IBTK: variants seen among roughly 807,000 people sequenced by gnomAD.
The protein encoded by IBTK is BTK-binding protein.
In IBTK, 83 loss-of-function variants were observed where a neutral mutation model predicts 154.9. That is an observed-to-expected ratio of 0.54 (90% confidence interval 0.45 to 0.64). IBTK has a LOEUF of 0.64. Among genes scored for constraint, IBTK ranks in the 30% least tolerant of loss-of-function variants. The pLI is 0.00. For synonymous variants in IBTK, 515 were observed against 536.1 expected, an observed-to-expected ratio of 0.96 and a Z score of 0.54; for missense variants, 1,332 against 1,584.6, an observed-to-expected ratio of 0.84 and a Z score of 2.71.
At chr6:82,200,545 A>T in intron 20 of IBTK, 42 bp downstream of exon 20, 1 of 1,446,752 alleles carries the variant, frequency 6.9e-7, no homozygotes. Flanking sequence ...GAAAAGAAGG[A>T]AGAAAAGGAG....
At chr6:82,207,916 C>CA (rs1458451695) in intron 16 of IBTK, among the ~76,000 whole-genome samples, 1 of 151,856 alleles carries the variant, frequency 6.6e-6, no homozygotes, top group Non-Finnish European at 1.5e-5. Flanking sequence ...ACAACAAATA[C>CA]AAAAAATAAC....
Position 82,242,284 on chromosome 6 carries a change from G to T in IBTK, c.-357-1441C>A, listed in dbSNP as rs572937645. Reference sequence around the variant, plus strand: ...CTCGAGAGGCTGAGGCAGGAGAATCGCTTGAACCCAGGAGGCAGAGTTTGT... The same window carrying T: ...CTCGAGAGGCTGAGGCAGGAGAATCTCTTGAACCCAGGAGGCAGAGTTTGT... On this transcript the variant is annotated intron_variant, in intron 1 of 28. Transcript: ENST00000306270. Among the ~76,000 whole-genome samples, 43 of 151,848 alleles carry T rather than the reference G, an allele frequency of 2.8e-4. 1 individual carries two copies. The highest frequency in any genetic ancestry group is 6.8e-3 in the Middle Eastern group (2 of 294).
chr6:82,223,057 T>C (rs1770157050), intron 8 of IBTK, among the ~76,000 whole-genome samples: 1 of 152,122 alleles, frequency 6.6e-6, no homozygotes, highest in African/African-American at 2.4e-5. Context: ...GATATATGAT[T>C]ATATTCTAAA....
chr6:82,230,958 T>A (rs892448558), intron 4 of IBTK, among the ~76,000 whole-genome samples: 3 of 152,188 alleles, frequency 2.0e-5, no homozygotes, highest in Non-Finnish European at 4.4e-5. Context: ...TGCCTAAGCA[T>A]CTAAGGGCAA....
chr6:82,197,732 A>C (rs1769053742), intron 21 of IBTK, among the ~76,000 whole-genome samples: 1 of 152,218 alleles, frequency 6.6e-6, no homozygotes, highest in East Asian at 1.9e-4. Context: ...TAATATTAGA[A>C]CACTCTCAAA....
chr6:82,173,263 G>A (rs10214788), intron 27 of IBTK, 104 bp downstream of exon 27: 150,139 of 724,606 alleles, frequency 0.21, 16,046 homozygotes, highest in African/African-American at 0.28. Flanking sequence ...CAGTCTCCCA[G>A]AGTGCTGGGA....
At position 82,202,563 on chromosome 6, in the gene IBTK, A is replaced by G. The variant is rs747696425; in HGVS notation, c.2694T>C (p.Phe898=). ...AKQLKLSCLQ[F]IGLNMAALLE... ...GTAAAGCTGCCATATTCAATCCTATAAACTGTAAACAAGACAGTTTCAACT... is the reference window on the plus strand; with the variant it reads ...GTAAAGCTGCCATATTCAATCCTATGAACTGTAAACAAGACAGTTTCAACT... The change falls in exon 18 of 29, where the codon TTT becomes TTC. Residue 898 remains phenylalanine, a synonymous_variant. Coordinates refer to ENST00000306270, the MANE Select transcript of IBTK (RefSeq NM_015525.4). 2 of 1,609,766 alleles carry G rather than the reference A, an allele frequency of 1.2e-6. No homozygotes were observed. Among genetic ancestry groups the G allele is most frequent in the South Asian group, 1.1e-5 (1 of 90,504 alleles).
intron 4 of IBTK, among the ~76,000 whole-genome samples, chr6:82,228,346 T>A (rs572714323): frequency 6.6e-6 from 1 of 152,300 alleles, no homozygotes; most frequent in Non-Finnish European, 1.5e-5. Context: ...CGGAATTTTG[T>A]AAGCACAATA....
At chr6:82,211,762 A>T (rs1304764466) in intron 13 of IBTK, among the ~76,000 whole-genome samples, 190 bp from the exon 14 acceptor site, 1 of 152,222 alleles carries the variant, frequency 6.6e-6, no homozygotes, top group Non-Finnish European at 1.5e-5. Context: ...GAGTAAAGAC[A>T]ATATTTGAAA....
At chr6:82,184,149 C>T (rs1768448991) in intron 25 of IBTK, among the ~76,000 whole-genome samples, 1 of 152,190 alleles carries the variant, frequency 6.6e-6, no homozygotes, top group Non-Finnish European at 1.5e-5. Context: ...CTGACTATGC[C>T]ATAATTGGAA....
chr6:82,190,499 T>C (rs1393662950), intron 25 of IBTK, among the ~76,000 whole-genome samples: 2 of 152,206 alleles, frequency 1.3e-5, no homozygotes, highest in Non-Finnish European at 2.9e-5. Flanking sequence ...CTCAAAATTA[T>C]ATCTGACCTC....
chr6:82,201,553 G>A (rs144717297), intron 18 of IBTK, 71 bp from the exon 19 acceptor site: 15,427 of 1,012,678 alleles, frequency 0.015, 158 homozygotes, highest in Non-Finnish European at 0.019. Context: ...GCTTACATAC[G>A]TAGATATTTC....
chr6:82,198,422 C>G (rs1769081682), intron 21 of IBTK, among the ~76,000 whole-genome samples: 1 of 152,098 alleles, frequency 6.6e-6, no homozygotes. Context: ...TTCCTATTTT[C>G]ATTGCTTCAT....
At chr6:82,182,051 T>A (rs1315534289) in intron 25 of IBTK, 23 bp from the exon 26 acceptor site, 4 of 1,580,520 alleles carry the variant, frequency 2.5e-6, no homozygotes, top group Non-Finnish European at 3.4e-6. Context: ...GCAAAGATCA[T>A]GTTAAAACAT....
At chr6:82,201,544 C>T in intron 18 of IBTK, 62 bp from the exon 19 acceptor site, 4 of 1,130,768 alleles carry the variant, frequency 3.5e-6, no homozygotes, top group African/African-American at 1.6e-5. Context: ...TGTCAAGTTG[C>T]TTACATACGT....
chr6:82,243,031 G>C (rs1042180946), intron 1 of IBTK, among the ~76,000 whole-genome samples: 5 of 151,796 alleles, frequency 3.3e-5, no homozygotes, highest in African/African-American at 1.2e-4. Flanking sequence ...CACGAGGTCA[G>C]GAGATCAAGA....
rs556243028 is a variant in IBTK at position 82,170,216 on chromosome 6, A to G, written c.*1209T>C. 16 of 152,740 alleles carry G rather than the reference A, an allele frequency of 1.0e-4. No individual in the cohort carries two copies. Among genetic ancestry groups the G allele is most frequent in the African/African-American group, 3.8e-4 (16 of 41,586 alleles). The allele number at this position is 152,740 out of a possible 1,614,324, so 9.5% of individuals were successfully genotyped here. A position where few individuals can be genotyped will look rare whatever the true frequency, so the allele number is the denominator to read the frequency against. ...TTCCATAATAAATGTCAATATAGTA[A>G]AAAATGTCAAGCACACATTAGTGAA... On this transcript the variant is annotated 3_prime_UTR_variant, in exon 29 of 29. Transcript: ENST00000306270.
At chr6:82,204,696 C>T (rs1176802442) in intron 17 of IBTK, among the ~76,000 whole-genome samples, 161 bp downstream of exon 17, 2 of 152,068 alleles carry the variant, frequency 1.3e-5, no homozygotes, top group Non-Finnish European at 2.9e-5. Context: ...TAAGAATTCA[C>T]TTACAAATGA....
At position 82,194,496 on chromosome 6, in the gene IBTK, C is replaced by A; in HGVS notation, c.3321G>T (p.Trp1107Cys). The change falls in exon 23 of 29, where the codon TGG (tryptophan) becomes TGT (cysteine). Residue 1107 changes from tryptophan (W) to cysteine (C), a missense_variant. By Grantham distance (215) the Trp-to-Cys change is radical. Transcript: ENST00000306270. ...AATCCTACCTGAAAGAACCAGCAAC[C>A]CAACTGGCAGAGCTGGTAGTATCAA... ...NRIDTTSSAS[W>C]VAGSFSPVSP... 1 of 1,575,582 alleles carries A rather than the reference C, an allele frequency of 6.3e-7. No homozygotes were observed.
Sources: allele counts gnomAD v4.1 joint callset (sites outside exome capture counted in the v4.1 genomes callset), GRCh38; gene constraint gnomAD v4.1.1; transcripts MANE v1.5; gene names NCBI Gene and HGNC (gene_info 2026-07-23, HGNC 2026-07-21).